Variants in TFEC observed in about 807,000 individuals in gnomAD.
TFEC encodes the protein transcription factor EC.
In TFEC, 31 loss-of-function variants were observed where a neutral mutation model predicts 41.6. That is an observed-to-expected ratio of 0.74 (90% confidence interval 0.56 to 1.01). The LOEUF is 1.01. Ranked by LOEUF, TFEC falls within the 50% of genes least tolerant of loss-of-function variation. The probability of loss-of-function intolerance (pLI) is 0.00; values close to 1 mark genes in which losing one functional copy is unlikely to be tolerated. For synonymous variants in TFEC, 143 were observed against 140.6 expected, an observed-to-expected ratio of 1.02 and a Z score of -0.12; for missense variants, 402 against 404.1, an observed-to-expected ratio of 0.99 and a Z score of 0.04.
At chr7:116,141,536 T>A (rs1402911558) in intron 1 of TFEC, among the ~76,000 whole-genome samples, 1 of 152,154 alleles carries the variant, frequency 6.6e-6, no homozygotes, top group Non-Finnish European at 1.5e-5. Flanking sequence ...GTCCCTTGGG[T>A]ATGATCATGT....
chr7:116,055,066 T>C (rs1015167426), intron 3 of TFEC, among the ~76,000 whole-genome samples: 6 of 152,134 alleles, frequency 3.9e-5, no homozygotes, highest in African/African-American at 1.4e-4. Flanking sequence ...TAGTTATATG[T>C]GTAATAGGAT....
intron 1 of TFEC, among the ~76,000 whole-genome samples, chr7:115,988,844 T>C (rs996135092): frequency 1.3e-5 from 2 of 151,804 alleles, no homozygotes; most frequent in Non-Finnish European, 2.9e-5. Flanking sequence ...AAAAAAACTC[T>C]GGAAAAAAAA....
chr7:116,045,121 G>A (rs1796133249), intron 3 of TFEC, among the ~76,000 whole-genome samples: 1 of 152,224 alleles, frequency 6.6e-6, no homozygotes, highest in Non-Finnish European at 1.5e-5. Context: ...GGGCTCAGAA[G>A]AAGACAGGAA....
chr7:116,130,798 G>C (rs971851681), intron 1 of TFEC, among the ~76,000 whole-genome samples: 3 of 152,154 alleles, frequency 2.0e-5, no homozygotes, highest in Non-Finnish European at 4.4e-5. Context: ...TTTTTGTAGA[G>C]ATAGTGTTTC....
At chr7:116,057,829 T>C in intron 3 of TFEC, among the ~76,000 whole-genome samples, 1 of 151,774 alleles carries the variant, frequency 6.6e-6, no homozygotes. Flanking sequence ...TGAAAAATTG[T>C]GGTAAGTTAA....
intron 3 of TFEC, among the ~76,000 whole-genome samples, chr7:116,064,716 A>G (rs1286437045): frequency 6.6e-6 from 1 of 152,118 alleles, no homozygotes; most frequent in East Asian, 1.9e-4. Context: ...AGTAAAATTA[A>G]AAAAAAGAGA....
intron 2 of TFEC, among the ~76,000 whole-genome samples, chr7:115,979,241 A>G (rs1001680459): frequency 1.3e-5 from 2 of 152,198 alleles, no homozygotes; most frequent in African/African-American, 4.8e-5. Flanking sequence ...CAGTGACTTG[A>G]TACTGTTTAA....
At chr7:116,038,156 T>C (rs796998905) in intron 3 of TFEC, among the ~76,000 whole-genome samples, 1 of 152,074 alleles carries the variant, frequency 6.6e-6, no homozygotes, top group Non-Finnish European at 1.5e-5. Flanking sequence ...AAGGCATTAA[T>C]GTAATTTAAT....
intron 1 of TFEC, among the ~76,000 whole-genome samples, chr7:116,118,486 T>C (rs1798039818): frequency 2.0e-5 from 3 of 151,830 alleles, no homozygotes; most frequent in African/African-American, 7.2e-5. Context: ...ATCAGTTGAC[T>C]ACCTGCTGGC....
intron 1 of TFEC, among the ~76,000 whole-genome samples, chr7:116,149,564 C>T (rs1223674360): frequency 2.0e-5 from 3 of 152,074 alleles, no homozygotes; most frequent in Non-Finnish European, 4.4e-5. Context: ...AAAACTCTTT[C>T]AAAGTTTTGA....
At chr7:116,145,831 A>T (rs567280477) in intron 1 of TFEC, among the ~76,000 whole-genome samples, 1 of 152,370 alleles carries the variant, frequency 6.6e-6, no homozygotes, top group African/African-American at 2.4e-5. Context: ...CAGACTGCTT[A>T]TAAGTTAAAA....
intron 3 of TFEC, among the ~76,000 whole-genome samples, chr7:115,967,501 T>C (rs931824671): frequency 6.6e-6 from 1 of 151,836 alleles, no homozygotes; most frequent in African/African-American, 2.4e-5. Flanking sequence ...TTAATGTAGA[T>C]GCAATAAACA....
intron 3 of TFEC, among the ~76,000 whole-genome samples, chr7:116,070,057 A>G (rs917521282): frequency 2.6e-5 from 4 of 151,466 alleles, no homozygotes; most frequent in African/African-American, 4.8e-5. Context: ...ATATGTACAT[A>G]TTTATGTGTG....
At chr7:115,943,378 G>T (rs1426166055) in intron 6 of TFEC, among the ~76,000 whole-genome samples, 1 of 151,608 alleles carries the variant, frequency 6.6e-6, no homozygotes. Context: ...CTTATTTTGT[G>T]TCATTTTTTC....
At chr7:116,134,867 G>A (rs188081300) in intron 1 of TFEC, among the ~76,000 whole-genome samples, 1 of 152,016 alleles carries the variant, frequency 6.6e-6, no homozygotes, top group African/African-American at 2.4e-5. Flanking sequence ...TAAAATAAAT[G>A]TCTTATTTAT....
intron 3 of TFEC, among the ~76,000 whole-genome samples, chr7:116,104,923 T>C (rs1797681594): frequency 6.6e-6 from 1 of 152,184 alleles, no homozygotes; most frequent in Non-Finnish European, 1.5e-5. Flanking sequence ...GATCTAAACA[T>C]CGAAGACTTA....
chr7:116,060,340 G>A (rs773546696), intron 3 of TFEC, among the ~76,000 whole-genome samples: 11 of 152,022 alleles, frequency 7.2e-5, no homozygotes, highest in East Asian at 1.9e-4. Context: ...ACTACCATTC[G>A]ACCTAGCAAT....
At chr7:116,124,219 A>G (rs1798165887) in intron 1 of TFEC, among the ~76,000 whole-genome samples, 1 of 152,180 alleles carries the variant, frequency 6.6e-6, no homozygotes, top group Non-Finnish European at 1.5e-5. Context: ...TTTTAATGGA[A>G]TATAGTTACT....
intron 5 of TFEC, among the ~76,000 whole-genome samples, chr7:115,953,191 C>T (rs1792041915): frequency 7.5e-6 from 1 of 132,892 alleles, no homozygotes; most frequent in African/African-American, 2.5e-5. Flanking sequence ...GGGCTGCAAG[C>T]TGAGAGCTGA....
Sources: gnomAD v4.1 joint callset for allele counts (sites outside exome capture counted in the v4.1 genomes callset) on GRCh38, gnomAD v4.1.1 for gene constraint, MANE v1.5 for transcripts, NCBI Gene and HGNC (gene_info 2026-07-23, HGNC 2026-07-21) for gene names.